RANBP9: variants seen among roughly 807,000 people sequenced by gnomAD.
RANBP9 encodes ran-binding protein 9.
A neutral mutation model predicts 84.3 loss-of-function variants in RANBP9; 15 were observed. The ratio of observed to expected loss-of-function variants is 0.18; its 90% confidence interval spans 0.12 to 0.27. RANBP9 has a LOEUF of 0.27. RANBP9 is among the 10% of genes least tolerant of loss of function. The pLI is 1.00. For missense variants in RANBP9, 809 were observed against 912.8 expected, an observed-to-expected ratio of 0.89 and a Z score of 1.46; for synonymous variants, 392 against 349.6, an observed-to-expected ratio of 1.12 and a Z score of -1.35.
At chr6:13,707,182 C>T (rs552210647) in intron 1 of RANBP9, among the ~76,000 whole-genome samples, 81 of 152,026 alleles carry the variant, frequency 5.3e-4, no homozygotes, top group African/African-American at 1.8e-3. Context: ...TGCCACTTAG[C>T]CCGGTTAATT....
intron 2 of RANBP9, among the ~76,000 whole-genome samples, chr6:13,689,692 A>G (rs1766279693): frequency 6.6e-6 from 1 of 152,146 alleles, no homozygotes; most frequent in Non-Finnish European, 1.5e-5. Context: ...GCCATTTACC[A>G]TAGTCTGGAA....
intron 2 of RANBP9, among the ~76,000 whole-genome samples, chr6:13,661,847 G>A (rs948672849): frequency 2.0e-5 from 3 of 152,120 alleles, no homozygotes; most frequent in African/African-American, 7.2e-5. Context: ...AGATTACCTA[G>A]CAAGAAATGG....
intron 12 of RANBP9, among the ~76,000 whole-genome samples, chr6:13,631,222 T>C (rs1764772156): frequency 6.6e-6 from 1 of 152,194 alleles, no homozygotes; most frequent in Admixed American, 6.5e-5. Context: ...GCAGTTTTTA[T>C]ACTATGGAGT....
chr6:13,692,062 A>G (rs1766332991), intron 2 of RANBP9, among the ~76,000 whole-genome samples: 4 of 152,218 alleles, frequency 2.6e-5, no homozygotes, highest in Admixed American at 2.6e-4. Flanking sequence ...TACTTTACAA[A>G]GATGTTGAGA....
At chr6:13,649,171 T>C (rs765146420) in intron 5 of RANBP9, among the ~76,000 whole-genome samples, 31 of 152,126 alleles carry the variant, frequency 2.0e-4, no homozygotes, top group Non-Finnish European at 3.8e-4. Flanking sequence ...GAAGAATTGA[T>C]ATGAAGCCTA....
Position 13,634,526 on chromosome 6 carries a change from T to C in RANBP9, c.1700A>G (p.His567Arg), listed in dbSNP as rs773778604. 6.2e-7 allele frequency: 1 copy of C among 1,612,824 alleles called. No homozygotes were observed. Among genetic ancestry groups the C allele is most frequent in the South Asian group, 1.1e-5 (1 of 91,048 alleles). The change falls in exon 11 of 14, where the codon CAC (histidine) becomes CGC (arginine). Residue 567 changes from histidine to arginine, a missense_variant. His to Arg is a conservative substitution (Grantham distance 29). This residue lies in a region of RANBP9 where 233 missense variants were observed against 234.4 expected (regional missense o/e 0.99). Coordinates refer to ENST00000011619, the MANE Select transcript of RANBP9 (RefSeq NM_005493.3). ...TSNDVDMETD[H>R]YSNGVGETSS... ...AGTTTCTCCAACTCCATTGGAGTAG[T>C]GATCTGTTTCCATGTCTACATCATT...
chr6:13,666,628 A>AAAAAAAAAAAAAAT (rs1765655659), intron 2 of RANBP9, among the ~76,000 whole-genome samples: 1 of 129,432 alleles, frequency 7.7e-6, no homozygotes. Context: ...AAAAAAAAAA[A>AAAAAAAAAAAAAAT]GATTGGCAGG....
chr6:13,642,349 T>C, intron 7 of RANBP9, 130 bp downstream of exon 7: 1 of 361,906 alleles, frequency 2.8e-6, no homozygotes, highest in Non-Finnish European at 4.8e-6. Flanking sequence ...GAAAATAAAA[T>C]TCAGAGGCAT....
rs1766060684 is a variant in RANBP9 at position 13,682,236 on chromosome 6, C to A, written c.683+14549G>T. 2.6e-5 allele frequency among the ~76,000 whole-genome samples: 4 copies of A among 152,028 alleles called. No homozygotes were observed. The South Asian group carries it at 8.3e-4, about 32-fold the overall frequency. On this transcript the variant is annotated intron_variant, in intron 2 of 13. Coordinates refer to ENST00000011619, the MANE Select transcript of RANBP9 (RefSeq NM_005493.3). ...ATAATTAAAACAAAAATTTAAAAATCAGTCCCTAAGAATGGAAGATAATTT... is the reference window on the plus strand; with the variant it reads ...ATAATTAAAACAAAAATTTAAAAATAAGTCCCTAAGAATGGAAGATAATTT...
chr6:13,640,666 A>G (rs1765042885), intron 8 of RANBP9, among the ~76,000 whole-genome samples: 1 of 152,178 alleles, frequency 6.6e-6, no homozygotes, highest in Non-Finnish European at 1.5e-5. Context: ...AAGAATAAAT[A>G]CTCTGATTCT....
At chr6:13,649,375 C>T (rs574840649) in intron 5 of RANBP9, among the ~76,000 whole-genome samples, 1 of 148,576 alleles carries the variant, frequency 6.7e-6, no homozygotes, top group African/African-American at 2.5e-5. Context: ...AAGCTTTTTC[C>T]AAATGATCTC....
intron 2 of RANBP9, among the ~76,000 whole-genome samples, chr6:13,663,380 G>T (rs926793429): frequency 6.6e-6 from 1 of 151,962 alleles, no homozygotes; most frequent in Non-Finnish European, 1.5e-5. Flanking sequence ...TCAGATAAAA[G>T]AAAAACATAA....
At chr6:13,650,377 A>T (rs557071906) in intron 5 of RANBP9, among the ~76,000 whole-genome samples, 1 of 152,242 alleles carries the variant, frequency 6.6e-6, no homozygotes, top group East Asian at 1.9e-4. Flanking sequence ...CATTTTATTA[A>T]GGGATATAAA....
chr6:13,676,530 T>C (rs1432787952), intron 2 of RANBP9, among the ~76,000 whole-genome samples: 6 of 152,056 alleles, frequency 3.9e-5, no homozygotes, highest in Non-Finnish European at 8.8e-5. Context: ...ATATCTCTTA[T>C]GAACACAGAT....
chr6:13,632,833 A>G (rs1764827787), intron 11 of RANBP9: 1 of 151,672 alleles, frequency 6.6e-6, no homozygotes, highest in Non-Finnish European at 1.3e-5. Flanking sequence ...ACATTAAGCA[A>G]CATTTAAAAA....
At chr6:13,630,620 G>A (rs185782887) in intron 12 of RANBP9, among the ~76,000 whole-genome samples, 1 of 152,136 alleles carries the variant, frequency 6.6e-6, no homozygotes, top group African/African-American at 2.4e-5. Context: ...CAGGGGATCT[G>A]TGAAGTCAAA....
At chr6:13,706,974 C>A (rs530321077) in intron 1 of RANBP9, among the ~76,000 whole-genome samples, 40 of 150,364 alleles carry the variant, frequency 2.7e-4, no homozygotes, top group African/African-American at 9.8e-4. Context: ...CCACCGCACT[C>A]CAGCCTGGAC....
chr6:13,623,610 T>C (rs1320805822), intron 13 of RANBP9, among the ~76,000 whole-genome samples: 1 of 152,182 alleles, frequency 6.6e-6, no homozygotes, highest in African/African-American at 2.4e-5. Context: ...GGAATATTTT[T>C]TTAATTTTAT....
Position 13,652,685 on chromosome 6 carries a change from A to C in RANBP9, c.905-4T>G, listed in dbSNP as rs756590277. The C allele has an allele frequency of 3.8e-6, 6 of 1,595,248 alleles. No homozygotes were observed. In the South Asian group the frequency reaches 4.5e-5, roughly 12 times the overall value. On this transcript the variant is annotated splice_polypyrimidine_tract_variant and splice_region_variant and intron_variant, in intron 4 of 13. Transcript: ENST00000011619. ...GGTAGGTCAGTGAAAGCAATACCTA[A>C]AAAGAAAAAAAAAAGTGGCATTAGA...
Sources: gnomAD v4.1 joint callset for allele counts (sites outside exome capture counted in the v4.1 genomes callset) on GRCh38, gnomAD v4.1.1 for gene constraint, gnomAD v4.1.1 regional missense constraint, MANE v1.5 for transcripts, NCBI Gene and HGNC (gene_info 2026-07-23, HGNC 2026-07-21) for gene names.